Variants in SESN2 observed in about 807,000 individuals in gnomAD.
SESN2 encodes the protein sestrin-2.
In SESN2, 42 loss-of-function variants were observed where a neutral mutation model predicts 56.0. The ratio of observed to expected loss-of-function variants is 0.75; its 90% CI spans 0.59 to 0.97. The LOEUF (loss-of-function observed/expected upper bound fraction) is 0.97. Among genes scored for constraint, SESN2 ranks in the 50% least tolerant of loss-of-function variants. The probability of loss-of-function intolerance (pLI) is 0.00; values close to 1 mark genes in which losing one functional copy is unlikely to be tolerated. For synonymous variants in SESN2, 264 were observed against 267.1 expected (o/e 0.99, Z 0.11); for missense variants, 507 against 649.4 (o/e 0.78, Z 2.38).
chr1:28,273,038 A>G (rs1290980376), intron 5 of SESN2, among the ~76,000 whole-genome samples: 1 of 152,224 alleles, frequency 6.6e-6, no homozygotes, highest in Non-Finnish European at 1.5e-5. Context: ...TATATGCCAT[A>G]GGCTCAAAGC....
chr1:28,267,853 C>A (rs918762534), intron 1 of SESN2, among the ~76,000 whole-genome samples: 19 of 152,310 alleles, frequency 1.2e-4, no homozygotes, highest in African/African-American at 4.3e-4. Context: ...TGTCTTCATT[C>A]ACAGACTAGT....
intron 2 of SESN2, among the ~76,000 whole-genome samples, chr1:28,270,796 G>A (rs1436569580): frequency 6.6e-6 from 1 of 152,072 alleles, no homozygotes; most frequent in Non-Finnish European, 1.5e-5. Flanking sequence ...CTCAAACTCC[G>A]GACCTTAGGT....
In SESN2 at chr1:28,272,566, C is replaced by T. The variant is rs377521759; in HGVS notation, c.538-15C>T. 2.5e-6 allele frequency: 4 copies of T among 1,613,644 alleles called. No homozygotes were observed. The highest frequency in any genetic ancestry group is 2.2e-5 in the East Asian group (1 of 44,898). On this transcript the variant is annotated splice_polypyrimidine_tract_variant and intron_variant, in intron 4 of 9. Coordinates refer to ENST00000253063, the MANE Select transcript of SESN2 (RefSeq NM_031459.5). The stretch of plus-strand genomic sequence containing the variant: ...GGCACTGAGCAGCTCTGACCTCCCC[C>T]CTTGTCCCTTCCAGGCCTTGCTGAA...
At chr1:28,274,581 G>A (rs950163958) in intron 7 of SESN2, among the ~76,000 whole-genome samples, 8 of 152,048 alleles carry the variant, frequency 5.3e-5, no homozygotes, top group African/African-American at 1.7e-4. Flanking sequence ...TTCCACGAGG[G>A]CAGTGGGGTC....
At chr1:28,270,247 A>T (rs1647714399) in intron 2 of SESN2, among the ~76,000 whole-genome samples, 1 of 151,768 alleles carries the variant, frequency 6.6e-6, no homozygotes, top group Non-Finnish European at 1.5e-5. Flanking sequence ...GCTACTCTGG[A>T]GGCTGAGGCA....
At chr1:28,264,916 AT>A (rs1335154960) in intron 1 of SESN2, among the ~76,000 whole-genome samples, 1 of 152,192 alleles carries the variant, frequency 6.6e-6, no homozygotes, top group Non-Finnish European at 1.5e-5. Flanking sequence ...TGAGTCCCAG[AT>A]GCAGCAGCCT....
At chr1:28,266,840 C>T (rs1647576040) in intron 1 of SESN2, among the ~76,000 whole-genome samples, 1 of 152,098 alleles carries the variant, frequency 6.6e-6, no homozygotes, top group South Asian at 2.1e-4. Flanking sequence ...TGAGCTGCTG[C>T]GCCAGCCAAG....
At chr1:28,277,441 C>T (rs1406414732) in intron 8 of SESN2, among the ~76,000 whole-genome samples, 3 of 152,120 alleles carry the variant, frequency 2.0e-5, no homozygotes, top group Non-Finnish European at 4.4e-5. Context: ...GTCTGGAACT[C>T]CTCACCTCAA....
chr1:28,268,619 C>T (rs1647640713), intron 1 of SESN2, among the ~76,000 whole-genome samples: 2 of 150,530 alleles, frequency 1.3e-5, no homozygotes, highest in South Asian at 2.1e-4. Flanking sequence ...GAGCTGAGAT[C>T]GCACCATTGC....
rs1648224632 is a variant in SESN2, at chr1:28,281,125, C to T, written c.*323C>T. 2 of 257,404 alleles carry T rather than the reference C, an allele frequency of 7.8e-6. 1 individual carries two copies. Among genetic ancestry groups the T allele is most frequent in the South Asian group, 1.8e-4 (2 of 11,030 alleles). 15.9% of individuals were successfully genotyped at this position (257,404 alleles called of 1,614,324 possible). On this transcript the variant is annotated 3_prime_UTR_variant, in exon 10 of 10. Coordinates refer to ENST00000253063, the MANE Select transcript of SESN2 (RefSeq NM_031459.5). ...GGCCAAGCTCGGAATTAATGTGCCA[C>T]AAGTGTTGTGGCCTTCCTGAACTGG...
At chr1:28,279,297 G>T in intron 9 of SESN2, 56 bp downstream of exon 9, 2 of 1,599,762 alleles carry the variant, frequency 1.3e-6, no homozygotes, top group Admixed American at 1.7e-5. Context: ...CCAGTGGAGA[G>T]GGCAAGGGGT....
intron 1 of SESN2, among the ~76,000 whole-genome samples, chr1:28,263,419 T>G (rs116156502): frequency 0.012 from 1,757 of 152,288 alleles, 31 homozygotes; most frequent in African/African-American, 0.04. Context: ...CTGGAGGTCC[T>G]GGGCTGCTTG....
intron 1 of SESN2, among the ~76,000 whole-genome samples, chr1:28,267,573 A>G (rs888125389): frequency 2.6e-5 from 4 of 152,112 alleles, no homozygotes; most frequent in South Asian, 2.1e-4. Context: ...GGCGCCTCCT[A>G]TCCCTGTCCA....
At chr1:28,264,251 G>A (rs542799145) in intron 1 of SESN2, among the ~76,000 whole-genome samples, 22 of 152,078 alleles carry the variant, frequency 1.4e-4, no homozygotes, top group Non-Finnish European at 1.9e-4. Flanking sequence ...CTCAGGAGGC[G>A]GAGGTTGCAG....
rs149809618 is a variant in SESN2 at position 28,272,410 on chromosome 1, G to A, written c.481G>A (p.Glu161Lys). The change falls in exon 4 of 10, where the codon GAG (glutamate) becomes AAG (lysine). Residue 161 changes from glutamate to lysine, a missense_variant. Physicochemically the swap from Glu to Lys is moderately conservative, Grantham distance 56 (BLOSUM62 1). Coordinates refer to ENST00000253063, the MANE Select transcript of SESN2 (RefSeq NM_031459.5). Reference protein sequence around the residue: ...RAPEKLRKLSEINKLLAHRPW... With the variant: ...RAPEKLRKLSKINKLLAHRPW... ...CCCCGAGAAGCTGCGCAAACTCAGC[G>A]AGATCAACAAGTTGCTGGCGCATCG... The A allele has an allele frequency of 1.1e-5, 17 of 1,613,410 alleles. No homozygotes were observed. The highest frequency in any genetic ancestry group is 5.3e-5 in the African/African-American group (4 of 74,896).
At chr1:28,277,598 A>G (rs1422612501) in intron 8 of SESN2, among the ~76,000 whole-genome samples, 1 of 152,018 alleles carries the variant, frequency 6.6e-6, no homozygotes, top group Non-Finnish European at 1.5e-5. Flanking sequence ...TTACCTATTC[A>G]TTTCAGTTGT....
At position 28,274,932 on chromosome 1, in the gene SESN2, T is replaced by C. The variant is rs892232475; in HGVS notation, c.1128T>C (p.Asn376=). 1.2e-6 allele frequency: 2 copies of C among 1,614,080 alleles called. No homozygotes were observed. Among genetic ancestry groups the C allele is most frequent in the African/African-American group, 1.3e-5 (1 of 75,044 alleles). The part of the protein sequence containing the change: ...KFQAAYSLTY[N]TIAMHSGVDT... ...AGGCAGCCTATAGCCTCACCTACAA[T>C]ACCATCGCCATGCACAGTGGTGTGG... is the stretch of plus-strand genomic sequence containing the variant. The change falls in exon 8 of 10, where the codon AAT becomes AAC. Residue 376 remains asparagine, a synonymous_variant. Transcript: ENST00000253063.
chr1:28,275,789 C>T lies in SESN2; in HGVS notation c.1211+774C>T, dbSNP rs59327945. Among the ~76,000 whole-genome samples, 5 of 151,744 alleles carry T rather than the reference C, an allele frequency of 3.3e-5. No individual in the cohort carries two copies. In the East Asian group the frequency reaches 7.8e-4, roughly 24 times the overall value. On this transcript the variant is annotated intron_variant, in intron 8 of 9. Transcript: ENST00000253063. Reference sequence around the variant, plus strand: ...ACAATAGAGGCCAGGCGCGGTGGCTCATGCCTGTAATCCCAGCACTTTGGG... The same window carrying T: ...ACAATAGAGGCCAGGCGCGGTGGCTTATGCCTGTAATCCCAGCACTTTGGG...
At chr1:28,271,450 C>T (rs1345171696) in intron 2 of SESN2, among the ~76,000 whole-genome samples, 1 of 152,148 alleles carries the variant, frequency 6.6e-6, no homozygotes, top group African/African-American at 2.4e-5. Flanking sequence ...CAGTGCTTGG[C>T]ACATAGCATT....
Sources: gnomAD v4.1 joint callset for allele counts (sites outside exome capture counted in the v4.1 genomes callset) on GRCh38, gnomAD v4.1.1 for gene constraint, MANE v1.5 for transcripts, NCBI Gene and HGNC (gene_info 2026-07-23, HGNC 2026-07-21) for gene names.